The following NCAM2 variants were observed in gnomAD, a reference collection of about 807,000 sequenced individuals.
The protein encoded by NCAM2 is neural cell adhesion molecule 2, also known as N-CAM-2.
A neutral mutation model predicts 98.1 loss-of-function variants in NCAM2; 30 were observed. The observed-to-expected ratio is 0.31, with a 90% confidence interval of 0.23 to 0.41. NCAM2 has a LOEUF of 0.41. Among genes scored for constraint, NCAM2 ranks in the 10% least tolerant of loss-of-function variants. The pLI is 1.00. For missense variants in NCAM2, 867 were observed against 1,005.8 expected (o/e 0.86, Z 1.87); for synonymous variants, 368 against 342.4 (o/e 1.07, Z -0.83).
At chr21:21,006,579 G>T (rs1241375437) in intron 1 of NCAM2, among the ~76,000 whole-genome samples, 2 of 152,156 alleles carry the variant, frequency 1.3e-5, no homozygotes, top group Non-Finnish European at 1.5e-5. Flanking sequence ...TTAAGTAAGA[G>T]CCAGGCTTCC....
intron 16 of NCAM2, among the ~76,000 whole-genome samples, chr21:21,514,978 C>G (rs1016808479): frequency 6.6e-6 from 1 of 152,206 alleles, no homozygotes; most frequent in South Asian, 2.1e-4. Context: ...CTAGTCTTGA[C>G]TCACATATCC....
At chr21:21,400,597 CTTT>C (rs59168731) in intron 9 of NCAM2, among the ~76,000 whole-genome samples, 3 of 137,918 alleles carry the variant, frequency 2.2e-5, no homozygotes, top group Non-Finnish European at 3.1e-5. Context: ...TTACCAAAAA[CTTT>C]TTTTTTTTTT....
intron 2 of NCAM2, among the ~76,000 whole-genome samples, chr21:21,282,650 A>T (rs1676023302): frequency 6.6e-6 from 1 of 151,754 alleles, no homozygotes; most frequent in Non-Finnish European, 1.5e-5. Context: ...CAATAAAATA[A>T]ATATCTTAAA....
chr21:21,105,196 G>A (rs1402470939), intron 1 of NCAM2, among the ~76,000 whole-genome samples: 1 of 152,084 alleles, frequency 6.6e-6, no homozygotes, highest in African/African-American at 2.4e-5. Flanking sequence ...AAAACAGAGA[G>A]GTTAGAAATG....
chr21:21,175,869 C>T (rs140575784), intron 1 of NCAM2, among the ~76,000 whole-genome samples: 12 of 152,328 alleles, frequency 7.9e-5, no homozygotes, highest in African/African-American at 2.9e-4. Flanking sequence ...AATAACCTAA[C>T]ATTTCCATCT....
chr21:21,125,712 T>TAGAG (rs1369606850), intron 1 of NCAM2, among the ~76,000 whole-genome samples: 1 of 36,070 alleles, frequency 2.8e-5, no homozygotes, highest in African/African-American at 6.0e-5. Flanking sequence ...CATATATATA[T>TAGAG]ATAGAGAGAG....
At chr21:21,373,188 C>T (rs116685183) in intron 8 of NCAM2, among the ~76,000 whole-genome samples, 3 of 151,852 alleles carry the variant, frequency 2.0e-5, no homozygotes, top group African/African-American at 7.2e-5. Context: ...GTGACTTTTA[C>T]GTGAAGTACC....
At chr21:21,219,937 G>T (rs899840668) in intron 1 of NCAM2, among the ~76,000 whole-genome samples, 2 of 151,904 alleles carry the variant, frequency 1.3e-5, no homozygotes, top group African/African-American at 4.8e-5. Flanking sequence ...ACATAAAACA[G>T]TTAAACCAAA....
intron 1 of NCAM2, among the ~76,000 whole-genome samples, chr21:21,094,881 C>T (rs2066088750): frequency 6.6e-6 from 1 of 151,686 alleles, no homozygotes; most frequent in Admixed American, 6.6e-5. Context: ...TAATCACAAT[C>T]AGTGCATAAT....
intron 1 of NCAM2, among the ~76,000 whole-genome samples, chr21:21,182,304 T>C (rs1274158920): frequency 6.6e-6 from 1 of 152,192 alleles, no homozygotes; most frequent in African/African-American, 2.4e-5. Flanking sequence ...GAAATATATA[T>C]TAGTTTCCTC....
At chr21:21,156,776 G>C in intron 1 of NCAM2, among the ~76,000 whole-genome samples, 1 of 151,970 alleles carries the variant, frequency 6.6e-6, no homozygotes, top group Non-Finnish European at 1.5e-5. Flanking sequence ...CAGAGCTATG[G>C]ATATAAACCT....
intron 1 of NCAM2, among the ~76,000 whole-genome samples, chr21:21,074,354 A>G (rs2065634894): frequency 6.6e-6 from 1 of 151,954 alleles, no homozygotes; most frequent in Non-Finnish European, 1.5e-5. Flanking sequence ...CATTTATTAC[A>G]TTTATTACAT....
intron 14 of NCAM2, among the ~76,000 whole-genome samples, chr21:21,474,507 T>C (rs921035116): frequency 2.0e-5 from 3 of 152,144 alleles, no homozygotes; most frequent in Non-Finnish European, 2.9e-5. Flanking sequence ...GAATACTTTT[T>C]TTTTTTCTGG....
chr21:21,502,510 G>A lies in NCAM2; in HGVS notation c.2078-6341G>A, dbSNP rs939842699. On this transcript the variant is annotated intron_variant, in intron 15 of 17. Coordinates refer to ENST00000400546, the MANE Select transcript of NCAM2 (RefSeq NM_004540.5). ...ACCAGGTAGAATTTCAAGTTGCAGG[G>A]GATTTTTTAATCTTCTTTAGTTTTT... 2.0e-5 allele frequency among the ~76,000 whole-genome samples: 3 copies of A among 151,748 alleles called. No homozygotes were observed. In the South Asian group the frequency reaches 6.2e-4, roughly 31 times the overall value.
At chr21:21,027,140 G>A (rs571781495) in intron 1 of NCAM2, among the ~76,000 whole-genome samples, 63 of 152,262 alleles carry the variant, frequency 4.1e-4, no homozygotes, top group African/African-American at 1.4e-3. Context: ...TTACAGGCGT[G>A]AGCCGCCGTG....
intron 12 of NCAM2, among the ~76,000 whole-genome samples, chr21:21,457,718 G>C (rs1043988062): frequency 6.6e-6 from 1 of 152,026 alleles, no homozygotes; most frequent in African/African-American, 2.4e-5. Flanking sequence ...TACAACTTGT[G>C]TGTGATGGAA....
chr21:21,405,096 T>C (rs185504703), intron 9 of NCAM2, among the ~76,000 whole-genome samples: 172 of 152,038 alleles, frequency 1.1e-3, no homozygotes, highest in African/African-American at 4.0e-3. Context: ...GTATAACAAA[T>C]ATATTATTAT....
chr21:21,133,199 A>G (rs550365052), intron 1 of NCAM2, among the ~76,000 whole-genome samples: 11 of 152,314 alleles, frequency 7.2e-5, no homozygotes, highest in East Asian at 1.9e-4. Context: ...ATACAATGAT[A>G]ATACTAACAA....
chr21:21,210,815 T>C (rs1276537575), intron 1 of NCAM2: 2 of 335,352 alleles, frequency 6.0e-6, no homozygotes, highest in East Asian at 2.6e-4. Context: ...GTCTTGTAGT[T>C]CAAAGGGATA....
Sources: gnomAD v4.1 joint callset for allele counts (sites outside exome capture counted in the v4.1 genomes callset) on GRCh38, gnomAD v4.1.1 for gene constraint, MANE v1.5 for transcripts, NCBI Gene and HGNC (gene_info 2026-07-23, HGNC 2026-07-21) for gene names.